CCDC66: variants seen among roughly 807,000 people sequenced by gnomAD.
The protein encoded by CCDC66 is coiled-coil domain-containing protein 66.
CCDC66 carries 133 observed loss-of-function variants against 128.3 expected under a neutral mutation model. The observed-to-expected ratio is 1.04, with a 90% CI of 0.90 to 1.20. The LOEUF (loss-of-function observed/expected upper bound fraction) is 1.20, where lower values mean the gene tolerates loss of function less well. Among genes scored for constraint, CCDC66 ranks in the 50% most tolerant of loss-of-function variants. CCDC66 has a pLI of 0.00. For synonymous variants in CCDC66, 387 were observed against 357.0 expected, an observed-to-expected ratio of 1.08 and a Z score of -0.95; for missense variants, 1,126 against 1,075.5, an observed-to-expected ratio of 1.05 and a Z score of -0.66.
chr3:56,619,574 T>TA, intron 16 of CCDC66, 47 bp downstream of exon 16: 1 of 1,483,850 alleles, frequency 6.7e-7, no homozygotes, highest in Non-Finnish European at 8.8e-7. Flanking sequence ...AAGACCCATG[T>TA]AAACCCCGTC....
intron 10 of CCDC66, among the ~76,000 whole-genome samples, chr3:56,595,795 G>A (rs929111875): frequency 6.6e-5 from 10 of 152,104 alleles, no homozygotes; most frequent in African/African-American, 2.4e-4. Flanking sequence ...TTTTTGAGAC[G>A]TCTCCATACT....
rs535930443 is a variant in CCDC66, at chr3:56,557,249, T to TTGGGGTAAGCAGGGGTAAGC, written c.11+7_11+26dup. On this transcript the variant is annotated stop_gained and frameshift_variant, in exon 1 of 18. Coordinates refer to ENST00000394672, the MANE Select transcript of CCDC66 (RefSeq NM_001141947.3). LOFTEE classifies it high-confidence loss of function. Reference sequence around the variant, plus strand: ...GAGAGTGCGAGGTCAGGCCATGAACTTGGGGTAAGCAGGGGTAAGCTGGGG... The same window carrying TTGGGGTAAGCAGGGGTAAGC: ...GAGAGTGCGAGGTCAGGCCATGAACTTGGGGTAAGCAGGGGTAAGCTGGGGTAAGCAGGGGTAAGCTGGGG... 182 of 756,308 alleles carry TTGGGGTAAGCAGGGGTAAGC rather than the reference T, an allele frequency of 2.4e-4. 4 individuals carry two copies. In the South Asian group the frequency reaches 2.6e-3, roughly 11 times the overall value. The allele number at this position is 756,308 out of a possible 1,614,324, so 46.8% of individuals were successfully genotyped here.
At position 56,615,280 on chromosome 3, in the gene CCDC66, C is replaced by A; in HGVS notation, c.1711+8C>A. 6.3e-7 allele frequency: 1 copy of A among 1,595,678 alleles called. No individual in the cohort carries two copies. Among genetic ancestry groups the A allele is most frequent in the South Asian group, 1.1e-5 (1 of 87,022 alleles). ...TGATTAAAAATCTTGGTGGTAAGGG[C>A]CTAACCAGAACTTTATTTATAATAT... On this transcript the variant is annotated splice_region_variant and intron_variant, in intron 12 of 17. Transcript: ENST00000394672.
At position 56,593,896 on chromosome 3, in the gene CCDC66, A is replaced by G. The variant is rs1341207239; in HGVS notation, c.1320-48A>G. Reference sequence around the variant, plus strand: ...CAAACAAAAATGATTTAGCTTGTTGAATCTACCTTTTTGAGGTTTTGAATA... The same window carrying G: ...CAAACAAAAATGATTTAGCTTGTTGGATCTACCTTTTTGAGGTTTTGAATA... On this transcript the variant is annotated intron_variant, in intron 9 of 17. Coordinates refer to ENST00000394672, the MANE Select transcript of CCDC66 (RefSeq NM_001141947.3). 4.4e-6 allele frequency: 7 copies of G among 1,599,410 alleles called. No individual in the cohort carries two copies. The South Asian group carries it at 7.8e-5, about 18-fold the overall frequency.
intron 10 of CCDC66, among the ~76,000 whole-genome samples, chr3:56,612,715 G>T (rs778782313): frequency 6.6e-6 from 1 of 152,162 alleles, no homozygotes; most frequent in Non-Finnish European, 1.5e-5. Context: ...GTGGGTGCCA[G>T]CTGTGATGGT....
chr3:56,609,902 C>G (rs1004302979), intron 10 of CCDC66, among the ~76,000 whole-genome samples: 4 of 152,110 alleles, frequency 2.6e-5, no homozygotes, highest in African/African-American at 9.7e-5. Flanking sequence ...AGATAGGGCC[C>G]CAATCTCTTC....
chr3:56,585,184 T>G (rs1310912468), intron 7 of CCDC66, among the ~76,000 whole-genome samples: 1 of 151,740 alleles, frequency 6.6e-6, no homozygotes, highest in Non-Finnish European at 1.5e-5. Context: ...AAGAAAATAT[T>G]CACTCAGTTT....
At chr3:56,594,151 G>A in intron 10 of CCDC66, 123 bp downstream of exon 10, 1 of 844,104 alleles carries the variant, frequency 1.2e-6, no homozygotes, top group Non-Finnish European at 1.9e-6. Context: ...GTCCAGTTGT[G>A]TCACGAATCC....
At chr3:56,586,027 AAC>A (rs773603472) in intron 7 of CCDC66, among the ~76,000 whole-genome samples, 3 of 151,900 alleles carry the variant, frequency 2.0e-5, no homozygotes, top group Non-Finnish European at 2.9e-5. Flanking sequence ...TACATACATA[AAC>A]ACACAAACAC....
chr3:56,590,366 G>A (rs1310068444), intron 7 of CCDC66, among the ~76,000 whole-genome samples: 3 of 152,202 alleles, frequency 2.0e-5, no homozygotes, highest in Non-Finnish European at 4.4e-5. Context: ...GTGAGACTAA[G>A]ATTTCCTAAC....
chr3:56,621,816 AG>A lies in CCDC66; in HGVS notation c.*199del. ...GATACTTCTTTTGTAAAAGCTTAGTAGTAAAAAAAAAAAAAAAAAAACCGGT... is the reference window on the plus strand; with the variant it reads ...GATACTTCTTTTGTAAAAGCTTAGTATAAAAAAAAAAAAAAAAAAACCGGT... On this transcript the variant is annotated 3_prime_UTR_variant, in exon 18 of 18. Coordinates refer to ENST00000394672, the MANE Select transcript of CCDC66 (RefSeq NM_001141947.3). The A allele has an allele frequency of 1.3e-4, 23 of 175,610 alleles. No homozygotes were observed. Among genetic ancestry groups the A allele is most frequent in the Middle Eastern group, 2.3e-3 (1 of 426 alleles). 10.9% of individuals were successfully genotyped at this position (175,610 alleles called of 1,614,324 possible).
In CCDC66 at chr3:56,578,503, G is replaced by A. The variant is rs986229300; in HGVS notation, c.936+7201G>A. Reference sequence around the variant, plus strand: ...TTTTATGCCGTTTTTCAAAGGGAACGCTTCCAGTTTTCGTCCATTCAGTAC... The same window carrying A: ...TTTTATGCCGTTTTTCAAAGGGAACACTTCCAGTTTTCGTCCATTCAGTAC... On this transcript the variant is annotated intron_variant, in intron 7 of 17. Transcript: ENST00000394672. 8.6e-5 allele frequency among the ~76,000 whole-genome samples: 13 copies of A among 151,860 alleles called. 1 individual carries two copies. The highest frequency in any genetic ancestry group is 4.2e-4 in the South Asian group (2 of 4,814).
At chr3:56,590,026 C>T (rs143348331) in intron 7 of CCDC66, among the ~76,000 whole-genome samples, 2 of 152,238 alleles carry the variant, frequency 1.3e-5, no homozygotes, top group African/African-American at 4.8e-5. Flanking sequence ...GCTGCTGTTC[C>T]TCCTGTAAGG....
chr3:56,604,624 C>T (rs186643138), intron 10 of CCDC66, among the ~76,000 whole-genome samples: 1 of 151,804 alleles, frequency 6.6e-6, no homozygotes, highest in East Asian at 1.9e-4. Flanking sequence ...TCTCTCCTGG[C>T]TCGTAGAGTT....
At chr3:56,598,332 A>G (rs1272230082) in intron 10 of CCDC66, among the ~76,000 whole-genome samples, 5 of 151,692 alleles carry the variant, frequency 3.3e-5, no homozygotes, top group Admixed American at 3.3e-4. Flanking sequence ...TAATTTTTGC[A>G]TAGGGGACTT....
intron 8 of CCDC66, 70 bp from the exon 9 acceptor site, chr3:56,593,421 G>A (rs2071290066): frequency 6.6e-7 from 1 of 1,525,782 alleles, no homozygotes; most frequent in Non-Finnish European, 8.9e-7. Context: ...AATCATCTTT[G>A]GTTGTCATTT....
intron 8 of CCDC66, 21 bp from the exon 9 acceptor site, chr3:56,593,470 A>G (rs376906824): frequency 2.5e-6 from 4 of 1,604,612 alleles, no homozygotes; most frequent in African/African-American, 1.3e-5. Flanking sequence ...ATTCTTAGCA[A>G]TTCTTATTTG....
chr3:56,616,058 TTG>T lies in CCDC66; in HGVS notation c.1843+10_1843+11del, dbSNP rs1281761751. On this transcript the variant is annotated splice_donor_region_variant and intron_variant, in intron 13 of 17. Transcript: ENST00000394672. ...AGGATACTGGTGTGCAAACAGGTAT[TTG>T]TGTGGAAATTGTGGTTTGGTTTAAA... The T allele has an allele frequency of 6.3e-7, 1 of 1,579,126 alleles. No homozygotes were observed. The highest frequency in any genetic ancestry group is 8.6e-7 in the Non-Finnish European group (1 of 1,166,432).
intron 17 of CCDC66, 70 bp downstream of exon 17, chr3:56,619,971 ACGGTT>A (rs2076154499): frequency 1.1e-5 from 16 of 1,512,344 alleles, no homozygotes; most frequent in Non-Finnish European, 1.3e-5. Context: ...AACCTGTTGA[ACGGTT>A]TGTTTTAAGT....
Sources: gnomAD v4.1 joint callset for allele counts (sites outside exome capture counted in the v4.1 genomes callset) on GRCh38, gnomAD v4.1.1 for gene constraint, MANE v1.5 for transcripts, NCBI Gene and HGNC (gene_info 2026-07-23, HGNC 2026-07-21) for gene names.